Variants in ASH1L observed in about 807,000 individuals in gnomAD.
ASH1L encodes histone-lysine N-methyltransferase ASH1L.
ASH1L carries 23 observed loss-of-function variants against 269.0 expected under a neutral mutation model. That is an observed-to-expected ratio of 0.09 (90% CI 0.06 to 0.12). The LOEUF (loss-of-function observed/expected upper bound fraction) is 0.12, where lower values mean the gene tolerates loss of function less well. Ranked by LOEUF, ASH1L falls within the 10% of genes least tolerant of loss-of-function variation. The pLI, the probability that ASH1L is intolerant of heterozygous loss-of-function variation, is 1.00. For missense variants in ASH1L, 2,912 were observed against 3,567.8 expected, an observed-to-expected ratio of 0.82 and a Z score of 4.68; for synonymous variants, 1,187 against 1,253.5, an observed-to-expected ratio of 0.95 and a Z score of 1.12.
chr1:155,382,607 G>T (rs1451424933), intron 7 of ASH1L, among the ~76,000 whole-genome samples: 1 of 152,190 alleles, frequency 6.6e-6, no homozygotes, highest in Non-Finnish European at 1.5e-5. Context: ...TCAGATGACA[G>T]CTCCATGAGT....
chr1:155,367,046 T>G (rs1571013091), intron 12 of ASH1L, among the ~76,000 whole-genome samples: 2 of 141,940 alleles, frequency 1.4e-5, no homozygotes. Context: ...CAGGCTGGAG[T>G]GCATTGGTGC....
intron 2 of ASH1L, among the ~76,000 whole-genome samples, chr1:155,490,212 C>T (rs1441509610): frequency 6.6e-6 from 1 of 151,996 alleles, no homozygotes; most frequent in Non-Finnish European, 1.5e-5. Flanking sequence ...GATCTGCCCA[C>T]CTCGGCCTCC....
chr1:155,389,629 C>T (rs999456070), intron 7 of ASH1L, among the ~76,000 whole-genome samples: 3 of 151,864 alleles, frequency 2.0e-5, no homozygotes, highest in Non-Finnish European at 2.9e-5. Context: ...GCCAAGATCA[C>T]GCCACTGCAC....
chr1:155,467,867 T>C (rs991146058), intron 3 of ASH1L, among the ~76,000 whole-genome samples: 1 of 152,174 alleles, frequency 6.6e-6, no homozygotes, highest in East Asian at 1.9e-4. Flanking sequence ...CTCATTATTC[T>C]GGAATAAATT....
At chr1:155,459,186 T>C (rs967041821) in intron 4 of ASH1L, among the ~76,000 whole-genome samples, 3 of 152,018 alleles carry the variant, frequency 2.0e-5, no homozygotes, top group African/African-American at 7.2e-5. Context: ...TGGAAATTAC[T>C]AGTTTACTAA....
intron 3 of ASH1L, among the ~76,000 whole-genome samples, chr1:155,471,953 G>C (rs571820730): frequency 6.6e-6 from 1 of 152,310 alleles, no homozygotes; most frequent in South Asian, 2.1e-4. Flanking sequence ...TGTCAGAGCA[G>C]TGACTTCAGA....
At chr1:155,379,922 G>A (rs545159856) in intron 8 of ASH1L, 121 bp downstream of exon 8, 30 of 697,722 alleles carry the variant, frequency 4.3e-5, no homozygotes, top group Non-Finnish European at 4.7e-5. Flanking sequence ...AACCTTCACA[G>A]GGACACTTCT....
chr1:155,435,917 G>T (rs1662047623), intron 5 of ASH1L, among the ~76,000 whole-genome samples: 1 of 152,128 alleles, frequency 6.6e-6, no homozygotes, highest in South Asian at 2.1e-4. Context: ...CAGGCATGGT[G>T]GTGCGCACCT....
chr1:155,562,608 G>C lies in ASH1L; in HGVS notation c.-555C>G, dbSNP rs1672102208. On this transcript the variant is annotated 5_prime_UTR_variant, in exon 1 of 28. Transcript: ENST00000392403. ...GCGTAGCGCGCACGCCCGCCCGCAC[G>C]CGTACGAGTGTCTACGGGCTCGTCG... is the stretch of plus-strand genomic sequence containing the variant. 1.3e-6 allele frequency: 2 copies of C among 1,528,216 alleles called. No individual in the cohort carries two copies. Among genetic ancestry groups the C allele is most frequent in the Non-Finnish European group, 1.8e-6 (2 of 1,141,772 alleles). 94.7% of individuals were successfully genotyped at this position (1,528,216 alleles called of 1,614,324 possible).
intron 6 of ASH1L, among the ~76,000 whole-genome samples, chr1:155,413,016 T>C (rs1330877171): frequency 6.6e-6 from 1 of 152,014 alleles, no homozygotes; most frequent in Non-Finnish European, 1.5e-5. Flanking sequence ...GTCTGAGAGG[T>C]TCTCCCTAAG....
chr1:155,532,822 C>CA (rs532961658), intron 1 of ASH1L, among the ~76,000 whole-genome samples: 1,468 of 67,798 alleles, frequency 0.022, 19 homozygotes, highest in African/African-American at 0.067. Context: ...GACTCTGTCT[C>CA]AAAAAAAAAA....
chr1:155,532,868 T>C (rs1336820377), intron 1 of ASH1L, among the ~76,000 whole-genome samples: 1 of 148,094 alleles, frequency 6.8e-6, no homozygotes, highest in Non-Finnish European at 1.5e-5. Context: ...CACATATATA[T>C]GTGTATATAT....
At chr1:155,341,893 A>T in intron 25 of ASH1L, 43 bp downstream of exon 25, 1 of 1,587,442 alleles carries the variant, frequency 6.3e-7, no homozygotes, top group Non-Finnish European at 8.6e-7. Context: ...TGCATGAACC[A>T]GATTGTCCTA....
In ASH1L at chr1:155,492,323, G is replaced by A. The variant is rs554560989; in HGVS notation, c.421-9874C>T. Among the ~76,000 whole-genome samples the A allele has an allele frequency of 3.9e-5, 6 of 152,234 alleles. No individual in the cohort carries two copies. In the East Asian group the frequency reaches 7.7e-4, roughly 20 times the overall value. ...CTCCCAAAGTGCTGGGATTACAGGC[G>A]TGAGCCACCACGCCCAGTCTTGTTT... is the stretch of plus-strand genomic sequence containing the variant. On this transcript the variant is annotated intron_variant, in intron 2 of 27. Coordinates refer to ENST00000392403, the MANE Select transcript of ASH1L (RefSeq NM_018489.3).
chr1:155,562,900 C>G (rs556590435), upstream of ASH1L: 21 of 453,878 alleles, frequency 4.6e-5, 1 homozygote, highest in South Asian at 1.9e-4. Flanking sequence ...CGCCGCCAGC[C>G]CCCCCTACCA....
At chr1:155,524,923 TG>T (rs1163711933) in intron 1 of ASH1L, among the ~76,000 whole-genome samples, 1 of 152,118 alleles carries the variant, frequency 6.6e-6, no homozygotes. Flanking sequence ...ATAACCCAAA[TG>T]TTTTTTTAAA....
chr1:155,536,617 A>G (rs528994698), intron 1 of ASH1L, among the ~76,000 whole-genome samples: 1 of 152,254 alleles, frequency 6.6e-6, no homozygotes, highest in Admixed American at 6.5e-5. Context: ...TAATACTTCT[A>G]CATAATGAGG....
In ASH1L at chr1:155,477,960, T is replaced by A. The variant is rs769846462; in HGVS notation, c.4910A>T (p.Gln1637Leu). 6.2e-7 allele frequency: 1 copy of A among 1,614,240 alleles called. No individual in the cohort carries two copies. The highest frequency in any genetic ancestry group is 1.1e-5 in the South Asian group (1 of 91,082). Residue 1637 changes from glutamine to leucine, a missense_variant, in exon 3 of 28, where the codon CAG (glutamine) becomes CTG (leucine). Coordinates refer to ENST00000392403, the MANE Select transcript of ASH1L (RefSeq NM_018489.3). ...LTDSPGLFSA[Q>L]DTSLNRLHRK... is the part of the protein sequence containing the mutation. ...GTGAAGCCGATTTAGTGAAGTGTCC[T>A]GTGCAGAAAAGAGTCCAGGGCTGTC... is the stretch of plus-strand genomic sequence containing the variant.
intron 10 of ASH1L, among the ~76,000 whole-genome samples, chr1:155,374,968 CTATGCCTGCTAACTTTTG>C (rs1656304703): frequency 6.6e-6 from 1 of 152,096 alleles, no homozygotes; most frequent in Non-Finnish European, 1.5e-5. Context: ...GCATGCACCA[CTATGCCTGCTAACTTTTG>C]TATTTTTTGT....
Sources: gnomAD v4.1 joint callset for allele counts (sites outside exome capture counted in the v4.1 genomes callset) on GRCh38, gnomAD v4.1.1 for gene constraint, MANE v1.5 for transcripts, NCBI Gene and HGNC (gene_info 2026-07-23, HGNC 2026-07-21) for gene names.